MB21D2: variants seen among roughly 807,000 people sequenced by gnomAD.
MB21D2 encodes the protein Mab-21 domain containing 2.
Under a neutral mutation model 33.3 loss-of-function variants are expected in MB21D2, and 9 were observed. That is an observed-to-expected ratio of 0.27 (90% confidence interval 0.16 to 0.47). MB21D2 has a LOEUF of 0.47. MB21D2 is among the 20% of genes least tolerant of loss of function. MB21D2 has a pLI of 0.99. For missense variants in MB21D2, 540 were observed against 624.6 expected, an observed-to-expected ratio of 0.86 and a Z score of 1.44; for synonymous variants, 241 against 236.3, an observed-to-expected ratio of 1.02 and a Z score of -0.18.
chr3:192,886,055 G>A lies in MB21D2; in HGVS notation c.211+31575C>T, dbSNP rs369343131. On this transcript the variant is annotated intron_variant, in intron 1 of 1. Transcript: ENST00000392452. ...GGCTGACTGCAACCTCCGCCTCCCG[G>A]GTTCAAGCAATTCTCTGCCTCAGCC... Among the ~76,000 whole-genome samples, 195 of 152,114 alleles carry A rather than the reference G, an allele frequency of 1.3e-3. 3 individuals carry two copies. The South Asian group carries it at 0.018, about 14-fold the overall frequency.
chr3:192,850,487 G>A (rs1442410448), intron 1 of MB21D2, among the ~76,000 whole-genome samples: 3 of 152,182 alleles, frequency 2.0e-5, no homozygotes, highest in African/African-American at 4.8e-5. Flanking sequence ...TTCATCGCAT[G>A]TGTGGTGAGC....
At chr3:192,849,334 T>TGGGGGG (rs1712741972) in intron 1 of MB21D2, among the ~76,000 whole-genome samples, 2 of 76,826 alleles carry the variant, frequency 2.6e-5, no homozygotes, top group Non-Finnish European at 5.1e-5. Flanking sequence ...GGGCGGGGGG[T>TGGGGGG]GGGGGTGGAG....
chr3:192,858,726 C>G (rs186442789), intron 1 of MB21D2, among the ~76,000 whole-genome samples: 1 of 152,234 alleles, frequency 6.6e-6, no homozygotes, highest in East Asian at 1.9e-4. Flanking sequence ...AAGGTATGTC[C>G]CCAGGCCTGT....
At chr3:192,906,767 T>C (rs1714224072) in intron 1 of MB21D2, among the ~76,000 whole-genome samples, 1 of 152,258 alleles carries the variant, frequency 6.6e-6, no homozygotes, top group Admixed American at 6.5e-5. Context: ...TATTCACTAC[T>C]CTGTGCACTT....
chr3:192,830,765 C>A (rs946059919), intron 1 of MB21D2, among the ~76,000 whole-genome samples: 2 of 152,170 alleles, frequency 1.3e-5, no homozygotes, highest in Non-Finnish European at 2.9e-5. Flanking sequence ...TGCTCGCTAG[C>A]ATGAAGAATC....
Position 192,843,735 on chromosome 3 carries a change from G to A in MB21D2, c.212-44085C>T, listed in dbSNP as rs543560727. Among the ~76,000 whole-genome samples the A allele has an allele frequency of 2.6e-5, 4 of 152,156 alleles. No homozygotes were observed. In the South Asian group the frequency reaches 8.3e-4, roughly 32 times the overall value. ...TTACCACTTAGCCATGTAACCTGCA[G>A]GTTATTTCACTTCCTGGAGGCCTGT... is the stretch of plus-strand genomic sequence containing the variant. On this transcript the variant is annotated intron_variant, in intron 1 of 1. Transcript: ENST00000392452.
intron 1 of MB21D2, among the ~76,000 whole-genome samples, chr3:192,832,622 G>A (rs1045083408): frequency 2.0e-5 from 3 of 151,980 alleles, no homozygotes; most frequent in African/African-American, 7.2e-5. Flanking sequence ...AAACCCCATC[G>A]CTACTAAAAA....
chr3:192,812,017 T>G (rs1221457780), intron 1 of MB21D2, among the ~76,000 whole-genome samples: 1 of 152,100 alleles, frequency 6.6e-6, no homozygotes, highest in African/African-American at 2.4e-5. Context: ...GTCCGTACTT[T>G]CTTTTGTGTG....
At chr3:192,904,516 G>A (rs1282197153) in intron 1 of MB21D2, among the ~76,000 whole-genome samples, 5 of 152,068 alleles carry the variant, frequency 3.3e-5, no homozygotes, top group Non-Finnish European at 7.4e-5. Context: ...CCTCGGCCCC[G>A]GGCCCTTGGC....
intron 1 of MB21D2, among the ~76,000 whole-genome samples, chr3:192,917,406 G>A (rs1441405676): frequency 2.6e-5 from 4 of 152,214 alleles, no homozygotes; most frequent in Non-Finnish European, 5.9e-5. Flanking sequence ...GCGAACAGGG[G>A]GAAAGGGAGA....
intron 1 of MB21D2, among the ~76,000 whole-genome samples, chr3:192,867,283 GCT>G (rs377498248): frequency 2.6e-5 from 4 of 151,276 alleles, no homozygotes; most frequent in Non-Finnish European, 4.4e-5. Flanking sequence ...ATCAAAACAG[GCT>G]CTCTCTCTCT....
intron 1 of MB21D2, among the ~76,000 whole-genome samples, chr3:192,848,502 T>C (rs1365108392): frequency 6.6e-6 from 1 of 152,258 alleles, no homozygotes; most frequent in African/African-American, 2.4e-5. Context: ...CACCCATTCA[T>C]ATGGGAGATA....
chr3:192,894,945 A>G (rs934060623), intron 1 of MB21D2, among the ~76,000 whole-genome samples: 4 of 152,222 alleles, frequency 2.6e-5, no homozygotes, highest in African/African-American at 9.7e-5. Flanking sequence ...CTGACATCTC[A>G]GAGCACATTC....
intron 1 of MB21D2, among the ~76,000 whole-genome samples, chr3:192,916,562 G>A (rs1374707717): frequency 6.6e-6 from 1 of 152,178 alleles, no homozygotes; most frequent in Non-Finnish European, 1.5e-5. Context: ...CAGTTCTTCG[G>A]AATGTTGACC....
chr3:192,836,583 C>G (rs1350791331), intron 1 of MB21D2, among the ~76,000 whole-genome samples: 1 of 152,290 alleles, frequency 6.6e-6, no homozygotes, highest in South Asian at 2.1e-4. Flanking sequence ...TGTGAGGACA[C>G]AGCAAGCAGG....
chr3:192,880,348 G>GA (rs1220479075), intron 1 of MB21D2, among the ~76,000 whole-genome samples: 1 of 151,722 alleles, frequency 6.6e-6, no homozygotes, highest in Non-Finnish European at 1.5e-5. Context: ...ATCCATCTCA[G>GA]AAAAAAATAA....
Position 192,799,198 on chromosome 3 carries a change from T to C in MB21D2, c.664A>G (p.Ile222Val), listed in dbSNP as rs1711505350. 1.9e-6 allele frequency: 3 copies of C among 1,614,078 alleles called. No individual in the cohort carries two copies. The highest frequency in any genetic ancestry group is 3.3e-5 in the Admixed American group (2 of 60,008). ...KVEKNGTIIS[I>V]ILGVGSSRML... is the part of the protein sequence containing the mutation. ...CGACTACTCCCTACACCCAGAATGATGGAGATGATGGTCCCATTTTTTTCC... is the reference window on the plus strand; with the variant it reads ...CGACTACTCCCTACACCCAGAATGACGGAGATGATGGTCCCATTTTTTTCC... The change falls in exon 2 of 2, where the codon ATC becomes GTC. Residue 222 changes from isoleucine (I) to valine (V), a missense_variant. Transcript: ENST00000392452. The surrounding 1 kb of genome is among the most constrained non-coding windows in gnomAD (Gnocchi z 4.1).
intron 1 of MB21D2, among the ~76,000 whole-genome samples, chr3:192,891,652 T>C (rs972862680): frequency 6.6e-6 from 1 of 152,144 alleles, no homozygotes; most frequent in African/African-American, 2.4e-5. Flanking sequence ...TACATGTTAA[T>C]GCTTTTATTA....
At chr3:192,881,300 G>C (rs952141170) in intron 1 of MB21D2, among the ~76,000 whole-genome samples, 11 of 151,994 alleles carry the variant, frequency 7.2e-5, no homozygotes. Context: ...CAAAAGTCTT[G>C]GACCCAACAG....
Sources: gnomAD v4.1 joint callset for allele counts (sites outside exome capture counted in the v4.1 genomes callset) on GRCh38, gnomAD v4.1.1 for gene constraint, Gnocchi (gnomAD v3.1) non-coding constraint, MANE v1.5 for transcripts, NCBI Gene and HGNC (gene_info 2026-07-23, HGNC 2026-07-21) for gene names.